The following MTFR1 variants were observed in gnomAD, a reference collection of about 807,000 sequenced individuals.
MTFR1 encodes the protein mitochondrial fission regulator 1.
Under a neutral mutation model 38.8 loss-of-function variants are expected in MTFR1, and 28 were observed. The observed-to-expected ratio is 0.72, with a 90% CI of 0.53 to 0.99. The LOEUF is 0.99. MTFR1 is among the 50% of genes least tolerant of loss of function. The pLI is 0.00. For synonymous variants in MTFR1, 145 were observed against 137.0 expected (o/e 1.06, Z -0.41); for missense variants, 358 against 395.5 (o/e 0.91, Z 0.81).
At chr8:65,731,829 C>T (rs1214783171) in intron 3 of MTFR1, among the ~76,000 whole-genome samples, 3 of 152,024 alleles carry the variant, frequency 2.0e-5, no homozygotes, top group Non-Finnish European at 2.9e-5. Context: ...AATATATATA[C>T]TTAAGTCTAT....
chr8:65,713,042 A>G (rs1805996177), downstream of MTFR1, among the ~76,000 whole-genome samples: 1 of 152,248 alleles, frequency 6.6e-6, no homozygotes, highest in Non-Finnish European at 1.5e-5. Context: ...ACAAGATGGA[A>G]TGTCTTGGCA....
At chr8:65,645,064 C>A (rs1808913140) in intron 1 of MTFR1, among the ~76,000 whole-genome samples, 1 of 152,208 alleles carries the variant, frequency 6.6e-6, no homozygotes. Flanking sequence ...GCCCACCCGC[C>A]AATCTACCCC....
intron 3 of MTFR1, among the ~76,000 whole-genome samples, chr8:65,762,970 CTTTATA>C (rs1808582545): frequency 6.7e-6 from 1 of 148,762 alleles, no homozygotes; most frequent in South Asian, 2.2e-4. Flanking sequence ...GCCTCCATCT[CTTTATA>C]TTTATATAAA....
chr8:65,762,084 AATTACCCT>A (rs1808526871), intron 3 of MTFR1, among the ~76,000 whole-genome samples: 1 of 152,204 alleles, frequency 6.6e-6, no homozygotes, highest in Admixed American at 6.5e-5. Flanking sequence ...ACTAATCATG[AATTACCCT>A]TGGAGATTAT....
At chr8:65,739,565 A>G in intron 3 of MTFR1, 10 of 1,559,578 alleles carry the variant, frequency 6.4e-6, no homozygotes, top group Non-Finnish European at 8.6e-6. Flanking sequence ...TGAAGACTAA[A>G]TAAATGAAAG....
chr8:65,661,000 A>G (rs1226408408), intron 1 of MTFR1, among the ~76,000 whole-genome samples: 1 of 152,250 alleles, frequency 6.6e-6, no homozygotes, highest in Non-Finnish European at 1.5e-5. Context: ...TTCCAACTTC[A>G]TGACATTCTG....
rs1004568456 is a variant in MTFR1 at position 65,709,198 on chromosome 8, C to G, written c.*154C>G. 1.4e-6 allele frequency: 1 copy of G among 692,778 alleles called. No individual in the cohort carries two copies. Among genetic ancestry groups the G allele is most frequent in the Non-Finnish European group, 2.4e-6 (1 of 408,378 alleles). 42.9% of individuals were successfully genotyped at this position (692,778 alleles called of 1,614,324 possible). On this transcript the variant is annotated 3_prime_UTR_variant, in exon 8 of 8. Coordinates refer to ENST00000262146, the MANE Select transcript of MTFR1 (RefSeq NM_014637.4). ...AGTGGATTAAGCAATAATGAAAGCA[C>G]TAAGTTTGGTTTTGCTTTTGTGAGA...
intron 4 of MTFR1, among the ~76,000 whole-genome samples, chr8:65,701,539 T>C (rs1206364641): frequency 6.6e-6 from 1 of 152,250 alleles, no homozygotes; most frequent in East Asian, 1.9e-4. Context: ...GCTCACTTAC[T>C]AAATACAAAT....
intron 4 of MTFR1, among the ~76,000 whole-genome samples, chr8:65,698,189 C>T (rs574204782): frequency 6.7e-6 from 1 of 149,598 alleles, no homozygotes; most frequent in African/African-American, 2.5e-5. Flanking sequence ...GGCTCTGTCA[C>T]CCGGGCTGGA....
chr8:65,715,606 G>A (rs1233249548), intron 2 of MTFR1, among the ~76,000 whole-genome samples: 2 of 150,274 alleles, frequency 1.3e-5, no homozygotes, highest in East Asian at 2.1e-4. Context: ...TCGAACTCCC[G>A]ACCTCAGGTG....
chr8:65,730,171 C>CTTCTTTTTTTTTTTTT lies in MTFR1; in HGVS notation c.*48+10692_*48+10693insCTTTTTTTTTTTTTTT, dbSNP rs1295965698. Among the ~76,000 whole-genome samples the CTTCTTTTTTTTTTTTT allele has an allele frequency of 2.0e-3, 172 of 86,446 alleles. 31 individuals are homozygous for CTTCTTTTTTTTTTTTT. The highest frequency in any genetic ancestry group is 7.6e-3 in the African/African-American group (159 of 20,938). The allele number at this position is 86,446 out of a possible 152,430, so 56.7% of individuals were successfully genotyped here. A position where few individuals can be genotyped will look rare whatever the true frequency, so the allele number is the denominator to read the frequency against. ...TGTGAGGGATCCAGGTTGCGCACTT[C>CTTCTTTTTTTTTTTTT]TTTTTTTTTTTTTTTTTTTTTTTTT... is the stretch of plus-strand genomic sequence containing the variant. On this transcript the variant is annotated intron_variant, in intron 3 of 3. Coordinates refer to the MTFR1 transcript ENST00000521247.
At chr8:65,724,390 C>A in intron 3 of MTFR1, 1 of 1,352,060 alleles carries the variant, frequency 7.4e-7, no homozygotes. Flanking sequence ...AAGATATATA[C>A]ACACTTGACA....
intron 3 of MTFR1, among the ~76,000 whole-genome samples, chr8:65,745,778 G>C (rs1310812937): frequency 6.6e-6 from 1 of 152,184 alleles, no homozygotes; most frequent in East Asian, 1.9e-4. Flanking sequence ...TAACATCACA[G>C]AAGTGTGGTT....
At chr8:65,777,361 G>A in the MTFR1 span, among the ~76,000 whole-genome samples, 1 of 152,098 alleles carries the variant, frequency 6.6e-6, no homozygotes, top group African/African-American at 2.4e-5. Context: ...TTACAAGCGT[G>A]AGCCACAACT....
intron 3 of MTFR1, among the ~76,000 whole-genome samples, chr8:65,725,960 C>T (rs1806591687): frequency 6.6e-6 from 1 of 152,140 alleles, no homozygotes; most frequent in Admixed American, 6.5e-5. Context: ...TATTGTCATA[C>T]TCCAAATGGT....
chr8:65,773,496 C>T (rs975657715), downstream of MTFR1, among the ~76,000 whole-genome samples: 5 of 152,184 alleles, frequency 3.3e-5, no homozygotes, highest in African/African-American at 9.7e-5. Context: ...ACAAAGCTTC[C>T]ACATCACTGG....
At chr8:65,713,437 C>G (rs1806009582), downstream of MTFR1, among the ~76,000 whole-genome samples, 1 of 98,810 alleles carries the variant, frequency 1.0e-5, no homozygotes, top group African/African-American at 4.0e-5. Flanking sequence ...ACTCCCATCT[C>G]AAACACACAC....
chr8:65,677,538 A>G (rs1282097693), intron 2 of MTFR1, among the ~76,000 whole-genome samples: 1 of 150,054 alleles, frequency 6.7e-6, no homozygotes, highest in Non-Finnish European at 1.5e-5. Flanking sequence ...GTGCACCACC[A>G]CACCTGGCTA....
At chr8:65,705,432 G>T (rs773863257) in intron 5 of MTFR1, among the ~76,000 whole-genome samples, 13 of 152,254 alleles carry the variant, frequency 8.5e-5, no homozygotes, top group Non-Finnish European at 1.8e-4. Context: ...TCTTGGTGCT[G>T]TCAGAGAAGA....
Sources: allele counts gnomAD v4.1 joint callset (sites outside exome capture counted in the v4.1 genomes callset), GRCh38; gene constraint gnomAD v4.1.1; transcripts MANE v1.5; gene names NCBI Gene and HGNC (gene_info 2026-07-23, HGNC 2026-07-21).